Variants in EPS15 observed in about 807,000 individuals in gnomAD.
The protein encoded by EPS15 is epidermal growth factor receptor pathway substrate 15.
Under a neutral mutation model 113.8 loss-of-function variants are expected in EPS15, and 72 were observed. The observed-to-expected ratio is 0.63, with a 90% CI of 0.52 to 0.77. The LOEUF (loss-of-function observed/expected upper bound fraction) is 0.77, where lower values mean the gene tolerates loss of function less well. Ranked by LOEUF, EPS15 falls within the 30% of genes least tolerant of loss-of-function variation. The pLI, the probability that EPS15 is intolerant of heterozygous loss-of-function variation, is 0.00. For missense variants in EPS15, 1,048 were observed against 1,045.8 expected, an observed-to-expected ratio of 1.00 and a Z score of -0.03; for synonymous variants, 344 against 363.4, an observed-to-expected ratio of 0.95 and a Z score of 0.61.
intron 1 of EPS15, among the ~76,000 whole-genome samples, chr1:51,498,414 G>A (rs1007301380): frequency 1.3e-5 from 2 of 152,114 alleles, no homozygotes; most frequent in African/African-American, 2.4e-5. Context: ...ACCATACTTC[G>A]AGTACCCATA....
rs568617837 is a variant in EPS15 at position 51,403,352 on chromosome 1, A to C, written c.1791+67T>G. On this transcript the variant is annotated intron_variant, in intron 17 of 24. Coordinates refer to ENST00000371733, the MANE Select transcript of EPS15 (RefSeq NM_001981.3). ...TATTGTACCCATTAAGTAATGTCTG[A>C]TAATTCACCTCCTCCTGTCCTTCCA... 77 of 817,374 alleles carry C rather than the reference A, an allele frequency of 9.4e-5. 1 individual carries two copies. In the African/African-American group the frequency reaches 1.3e-3, roughly 14 times the overall value. The allele number at this position is 817,374 out of a possible 1,614,324, so 50.6% of individuals were successfully genotyped here.
intron 1 of EPS15, among the ~76,000 whole-genome samples, chr1:51,513,942 T>C (rs1466829372): frequency 6.6e-6 from 1 of 152,098 alleles, no homozygotes; most frequent in Non-Finnish European, 1.5e-5. Context: ...GAATAAATTC[T>C]CAAAAATGCC....
chr1:51,384,984 T>A (rs1647030157), intron 21 of EPS15, among the ~76,000 whole-genome samples: 1 of 152,178 alleles, frequency 6.6e-6, no homozygotes. Context: ...GAGCTAAAAC[T>A]ATAAAACTTA....
At chr1:51,427,501 T>C (rs1651331478) in intron 12 of EPS15, among the ~76,000 whole-genome samples, 1 of 152,196 alleles carries the variant, frequency 6.6e-6, no homozygotes, top group South Asian at 2.1e-4. Context: ...TGCAGTGTAC[T>C]AGGTGCTACA....
At chr1:51,358,991 AC>A (rs918172994) in intron 24 of EPS15, among the ~76,000 whole-genome samples, 2 of 151,770 alleles carry the variant, frequency 1.3e-5, no homozygotes, top group African/African-American at 4.8e-5. Flanking sequence ...GGTGTGAGCC[AC>A]CCCGTCTGGC....
chr1:51,357,426 A>ATATATTTT (rs1443627608), intron 24 of EPS15, among the ~76,000 whole-genome samples: 9 of 53,536 alleles, frequency 1.7e-4, no homozygotes, highest in African/African-American at 5.8e-4. Context: ...ATATATATAT[A>ATATATTTT]TTTTTTTTTT....
intron 12 of EPS15, chr1:51,423,377 A>C: frequency 9.2e-7 from 1 of 1,090,334 alleles, no homozygotes; most frequent in Non-Finnish European, 1.1e-6. Context: ...CAAGAAATAC[A>C]AAAACACGGG....
intron 1 of EPS15, among the ~76,000 whole-genome samples, chr1:51,514,594 T>C (rs548369898): frequency 3.3e-5 from 5 of 152,310 alleles, no homozygotes; most frequent in African/African-American, 9.6e-5. Context: ...CTATTAGAGA[T>C]TGCAGAGATT....
At chr1:51,364,748 C>A (rs1469595617) in intron 22 of EPS15, among the ~76,000 whole-genome samples, 3 of 152,200 alleles carry the variant, frequency 2.0e-5, no homozygotes, top group Non-Finnish European at 2.9e-5. Flanking sequence ...ATCCTCCCAT[C>A]TCAGCCTCCC....
intron 21 of EPS15, among the ~76,000 whole-genome samples, chr1:51,378,674 C>T (rs1002721): frequency 0.03 from 4,589 of 152,204 alleles, 76 homozygotes; most frequent in African/African-American, 0.05. Flanking sequence ...ATAATATATA[C>T]GAATACATAT....
intron 21 of EPS15, among the ~76,000 whole-genome samples, chr1:51,384,997 G>A (rs971011192): frequency 3.0e-4 from 45 of 152,224 alleles, no homozygotes; most frequent in Admixed American, 1.9e-3. Flanking sequence ...AAAACTTATC[G>A]GGGAAATGCT....
chr1:51,413,239 C>T (rs560272345), intron 13 of EPS15, among the ~76,000 whole-genome samples: 5 of 152,300 alleles, frequency 3.3e-5, no homozygotes, highest in South Asian at 2.1e-4. Flanking sequence ...AATTTAATCT[C>T]GTCTGACTCA....
intron 1 of EPS15, among the ~76,000 whole-genome samples, 182 bp downstream of exon 1, chr1:51,519,017 C>G (rs1334856783): frequency 5.3e-5 from 8 of 151,196 alleles, no homozygotes; most frequent in Non-Finnish European, 4.4e-5. Context: ...CGCAGGGGGG[C>G]TCCGGCTCCG....
chr1:51,427,364 C>T lies in EPS15; in HGVS notation c.1041-5506G>A, dbSNP rs1274652684. Among the ~76,000 whole-genome samples the T allele has an allele frequency of 2.0e-5, 3 of 152,186 alleles. No individual in the cohort carries two copies. The South Asian group carries it at 6.2e-4, about 31-fold the overall frequency. On this transcript the variant is annotated intron_variant, in intron 12 of 24. Transcript: ENST00000371733. Reference sequence around the variant, plus strand: ...ATCCTATTACATACTTGTCACTATGCTATACTTAGGAGGTACATAAAACCA... The same window carrying T: ...ATCCTATTACATACTTGTCACTATGTTATACTTAGGAGGTACATAAAACCA...
chr1:51,397,099 T>A (rs1648025863), intron 20 of EPS15: 1 of 152,168 alleles, frequency 6.6e-6, no homozygotes, highest in Non-Finnish European at 1.5e-5. Flanking sequence ...AGGCTGGTTG[T>A]GAACTACTTG....
intron 21 of EPS15, 36 bp from the exon 22 acceptor site, chr1:51,366,065 G>GT: frequency 6.8e-7 from 1 of 1,471,530 alleles, no homozygotes; most frequent in Non-Finnish European, 9.4e-7. Context: ...AAACAGGACA[G>GT]TAAGACATTT....
At chr1:51,519,050 A>ACC (rs1444355837) in intron 1 of EPS15, 149 bp downstream of exon 1, 2 of 444,150 alleles carry the variant, frequency 4.5e-6, no homozygotes, top group Non-Finnish European at 7.5e-6. Context: ...CCGCAGTCGC[A>ACC]CCCGCTTTCC....
chr1:51,468,802 T>C (rs1655035364), intron 4 of EPS15, among the ~76,000 whole-genome samples: 1 of 152,028 alleles, frequency 6.6e-6, no homozygotes, highest in South Asian at 2.1e-4. Context: ...TACATACAGA[T>C]AGTGGAAATC....
intron 21 of EPS15, chr1:51,394,135 T>C (rs895067416): frequency 1.5e-5 from 4 of 271,860 alleles, no homozygotes; most frequent in East Asian, 6.6e-5. Context: ...AACATTTTTA[T>C]TGGTTTACTG....
Sources: gnomAD v4.1 joint callset for allele counts (sites outside exome capture counted in the v4.1 genomes callset) on GRCh38, gnomAD v4.1.1 for gene constraint, MANE v1.5 for transcripts, NCBI Gene and HGNC (gene_info 2026-07-23, HGNC 2026-07-21) for gene names.